MYO1D: variants seen among roughly 807,000 people sequenced by gnomAD.
MYO1D encodes unconventional myosin-Id.
A neutral mutation model predicts 122.0 loss-of-function variants in MYO1D; 83 were observed. That is an observed-to-expected ratio of 0.68 (90% CI 0.57 to 0.82). The LOEUF is 0.82. Among genes scored for constraint, MYO1D ranks in the 40% least tolerant of loss-of-function variants. The probability of loss-of-function intolerance (pLI) is 0.00; values close to 1 mark genes in which losing one functional copy is unlikely to be tolerated. For synonymous variants in MYO1D, 464 were observed against 446.9 expected, an observed-to-expected ratio of 1.04 and a Z score of -0.48; for missense variants, 1,157 against 1,269.5, an observed-to-expected ratio of 0.91 and a Z score of 1.35.
chr17:32,514,678 T>C (rs1283186623), intron 21 of MYO1D, among the ~76,000 whole-genome samples: 2 of 152,222 alleles, frequency 1.3e-5, no homozygotes, highest in African/African-American at 4.8e-5. Flanking sequence ...TGAGGGGCTG[T>C]TAGTACATCA....
At chr17:32,858,800 T>C (rs1310098759) in intron 1 of MYO1D, among the ~76,000 whole-genome samples, 7 of 152,222 alleles carry the variant, frequency 4.6e-5, no homozygotes, top group Non-Finnish European at 8.8e-5. Context: ...AAAAGTTATT[T>C]ATTAGTTTAT....
chr17:32,604,192 A>G (rs1010473466), intron 21 of MYO1D, among the ~76,000 whole-genome samples: 1 of 116,758 alleles, frequency 8.6e-6, no homozygotes, highest in Admixed American at 8.5e-5. Context: ...TCTAAACTGA[A>G]AAAAAAAAAC....
rs376458821 is a variant in MYO1D, at chr17:32,646,450, A to AAT, written c.2595+7391_2595+7392dup. Among the ~76,000 whole-genome samples, 930 of 151,046 alleles carry AAT rather than the reference A, an allele frequency of 6.2e-3. 6 individuals are homozygous for AAT. The highest frequency in any genetic ancestry group is 0.021 in the African/African-American group (858 of 41,298). ...AACAGAAGAAGACCCTCTCTGTAAA[A>AAT]ATATATATATATATAAAAGAAAGGA... On this transcript the variant is annotated intron_variant, in intron 19 of 21. Transcript: ENST00000318217.
chr17:32,695,085 C>T (rs2089154304), intron 16 of MYO1D, among the ~76,000 whole-genome samples: 1 of 151,736 alleles, frequency 6.6e-6, no homozygotes, highest in African/African-American at 2.4e-5. Flanking sequence ...TCCCCTAGAT[C>T]AGTGGTCTTG....
intron 21 of MYO1D, among the ~76,000 whole-genome samples, chr17:32,501,073 T>C (rs892313288): frequency 6.6e-6 from 1 of 151,244 alleles, no homozygotes; most frequent in African/African-American, 2.4e-5. Context: ...AACATTGAAC[T>C]GCCATATCAC....
intron 8 of MYO1D, among the ~76,000 whole-genome samples, chr17:32,761,863 A>G (rs952509694): frequency 9.8e-5 from 15 of 152,306 alleles, no homozygotes; most frequent in African/African-American, 3.4e-4. Flanking sequence ...TCACTGATTT[A>G]TTCAACAAAT....
intron 1 of MYO1D, among the ~76,000 whole-genome samples, chr17:32,870,501 T>C (rs761463668): frequency 3.3e-5 from 5 of 151,596 alleles, no homozygotes; most frequent in Non-Finnish European, 7.4e-5. Flanking sequence ...TGAGTATGTG[T>C]GTGTCTGTTT....
chr17:32,858,533 C>G (rs2091045336), intron 1 of MYO1D, among the ~76,000 whole-genome samples: 1 of 152,164 alleles, frequency 6.6e-6, no homozygotes, highest in African/African-American at 2.4e-5. Flanking sequence ...GGTGTTTCCT[C>G]TGATTAGATT....
chr17:32,714,617 A>G (rs1403082439), intron 15 of MYO1D, among the ~76,000 whole-genome samples: 1 of 152,192 alleles, frequency 6.6e-6, no homozygotes, highest in Non-Finnish European at 1.5e-5. Flanking sequence ...CTGGCTAGCC[A>G]TATGCAGAAA....
At chr17:32,629,313 A>G (rs889317921) in intron 20 of MYO1D, among the ~76,000 whole-genome samples, 8 of 152,196 alleles carry the variant, frequency 5.3e-5, no homozygotes, top group African/African-American at 1.9e-4. Context: ...ACATGACACT[A>G]TACATTTGCC....
intron 1 of MYO1D, among the ~76,000 whole-genome samples, chr17:32,830,937 T>A (rs2151065776): frequency 6.6e-6 from 1 of 151,752 alleles, no homozygotes; most frequent in South Asian, 2.1e-4. Context: ...GCACCTACAG[T>A]CCCAGCTACT....
At chr17:32,621,288 T>A (rs55763636) in intron 20 of MYO1D, among the ~76,000 whole-genome samples, 1 of 152,046 alleles carries the variant, frequency 6.6e-6, no homozygotes, top group Non-Finnish European at 1.5e-5. Context: ...TTCCTTGTCC[T>A]GAAAAGCCAT....
At chr17:32,622,586 T>G (rs2087867246) in intron 20 of MYO1D, among the ~76,000 whole-genome samples, 2 of 152,064 alleles carry the variant, frequency 1.3e-5, no homozygotes, top group South Asian at 4.1e-4. Flanking sequence ...AAAGTTATAT[T>G]TGGGCAGAGG....
intron 13 of MYO1D, among the ~76,000 whole-genome samples, chr17:32,744,826 T>G (rs1004424530): frequency 6.6e-6 from 1 of 152,186 alleles, no homozygotes; most frequent in African/African-American, 2.4e-5. Flanking sequence ...GGTCTCTTAT[T>G]TGGGGGTGAA....
intron 21 of MYO1D, among the ~76,000 whole-genome samples, chr17:32,581,521 C>G (rs981528903): frequency 1.3e-5 from 2 of 149,122 alleles, no homozygotes; most frequent in Admixed American, 1.4e-4. Flanking sequence ...TTTTCCTTTT[C>G]TCTCTCTCTT....
At chr17:32,755,353 C>T in intron 11 of MYO1D, 139 bp downstream of exon 11, 3 of 896,232 alleles carry the variant, frequency 3.3e-6, no homozygotes, top group Non-Finnish European at 5.0e-6. Flanking sequence ...AGCAACAAAT[C>T]ATTTAATGAA....
chr17:32,692,599 CTTG>C (rs2089118523), intron 16 of MYO1D, among the ~76,000 whole-genome samples: 1 of 152,110 alleles, frequency 6.6e-6, no homozygotes, highest in Admixed American at 6.5e-5. Flanking sequence ...GCCTTTAATA[CTTG>C]TTATCTAATT....
chr17:32,594,768 C>T (rs1023571474), intron 21 of MYO1D, among the ~76,000 whole-genome samples: 5 of 152,110 alleles, frequency 3.3e-5, no homozygotes, highest in African/African-American at 1.2e-4. Context: ...CTGTTTGTAG[C>T]CAAAATCATT....
chr17:32,570,585 CT>C, intron 21 of MYO1D, among the ~76,000 whole-genome samples: 1 of 152,286 alleles, frequency 6.6e-6, no homozygotes, highest in East Asian at 1.9e-4. Context: ...ATCTCCTGAC[CT>C]TGTGATCTGC....
Sources: gnomAD v4.1 joint callset for allele counts (sites outside exome capture counted in the v4.1 genomes callset) on GRCh38, gnomAD v4.1.1 for gene constraint, MANE v1.5 for transcripts, NCBI Gene and HGNC (gene_info 2026-07-23, HGNC 2026-07-21) for gene names.